Variants in MEGF11 observed in about 807,000 individuals in gnomAD.
MEGF11 encodes the protein multiple epidermal growth factor-like domains protein 11.
In MEGF11, 126 loss-of-function variants were observed where a neutral mutation model predicts 146.6. The ratio of observed to expected loss-of-function variants is 0.86; its 90% CI spans 0.74 to 1.00. The LOEUF is 1.00. Among genes scored for constraint, MEGF11 ranks in the 50% least tolerant of loss-of-function variants. The probability of loss-of-function intolerance (pLI) is 0.00; values close to 1 mark genes in which losing one functional copy is unlikely to be tolerated. For missense variants in MEGF11, 1,509 were observed against 1,521.2 expected (o/e 0.99, Z 0.13); for synonymous variants, 532 against 583.4 (o/e 0.91, Z 1.27).
chr15:66,114,942 T>A (rs1027577154), intron 4 of MEGF11, among the ~76,000 whole-genome samples: 1 of 152,144 alleles, frequency 6.6e-6, no homozygotes, highest in Non-Finnish European at 1.5e-5. Context: ...CCCTGTTCCA[T>A]CTCTTCCTCC....
intron 10 of MEGF11, among the ~76,000 whole-genome samples, chr15:65,936,668 TC>T (rs1567165884): frequency 6.6e-6 from 1 of 152,188 alleles, no homozygotes; most frequent in Non-Finnish European, 1.5e-5. Flanking sequence ...TGTTTCTTTG[TC>T]CACTTATTTA....
chr15:66,001,277 A>C (rs1259989074), intron 5 of MEGF11, among the ~76,000 whole-genome samples: 2 of 152,148 alleles, frequency 1.3e-5, no homozygotes, highest in Admixed American at 1.3e-4. Context: ...TGCAGTGCAC[A>C]ACCTGAACAT....
Position 65,918,013 on chromosome 15 carries a change from C to T in MEGF11, c.2039G>A (p.Gly680Asp), listed in dbSNP as rs746734698. 1 of 1,614,006 alleles carries T rather than the reference C, an allele frequency of 6.2e-7. No individual in the cohort carries two copies. The highest frequency in any genetic ancestry group is 8.5e-7 in the Non-Finnish European group (1 of 1,179,894). The part of the protein sequence containing the change: ...ANNGTCSPID[G>D]SCQCFPGWIG... ...CCATCCAGGAAAGCACTGGCAGGAG[C>T]CATCGATAGGGCTGCAGGTCCCGTT... is the stretch of plus-strand genomic sequence containing the variant. The change falls in exon 16 of 26, where the codon GGC (glycine) becomes GAC (aspartate). Residue 680 changes from glycine to aspartate, a missense_variant. Physicochemically the swap from Gly to Asp is moderately conservative, Grantham distance 94. Transcript: ENST00000395614.
intron 1 of MEGF11, among the ~76,000 whole-genome samples, chr15:66,226,656 A>C (rs1407359527): frequency 6.6e-6 from 1 of 152,152 alleles, no homozygotes; most frequent in Non-Finnish European, 1.5e-5. Flanking sequence ...ACTATACCTA[A>C]TTTACAAATT....
intron 10 of MEGF11, among the ~76,000 whole-genome samples, chr15:65,944,695 TC>T (rs982494285): frequency 3.3e-5 from 5 of 152,140 alleles, no homozygotes; most frequent in African/African-American, 1.2e-4. Flanking sequence ...GAGTCTAGAC[TC>T]TGGCAAATCC....
intron 1 of MEGF11, among the ~76,000 whole-genome samples, chr15:66,142,314 G>A (rs976954703): frequency 6.6e-6 from 1 of 152,176 alleles, no homozygotes; most frequent in African/African-American, 2.4e-5. Context: ...CTTCTGCACG[G>A]CTCTCAAGAA....
At position 66,145,689 on chromosome 15, in the gene MEGF11, G is replaced by C. The variant is rs1261392520; in HGVS notation, c.-8-17278C>G. On this transcript the variant is annotated intron_variant, in intron 1 of 25. Transcript: ENST00000395614. ...GGGATGAGCACACACACTTTGCTGGGTCCTTGGCAGGACCCTGTGAGGGAG... is the reference window on the plus strand; with the variant it reads ...GGGATGAGCACACACACTTTGCTGGCTCCTTGGCAGGACCCTGTGAGGGAG... Among the ~76,000 whole-genome samples, 3 of 152,210 alleles carry C rather than the reference G, an allele frequency of 2.0e-5. No individual in the cohort carries two copies. In the East Asian group the frequency reaches 5.8e-4, roughly 29 times the overall value.
At chr15:66,180,430 G>A (rs2090515224) in intron 1 of MEGF11, among the ~76,000 whole-genome samples, 1 of 152,196 alleles carries the variant, frequency 6.6e-6, no homozygotes, top group Non-Finnish European at 1.5e-5. Context: ...CCCATCCTGA[G>A]CCAGCCCCAT....
chr15:65,931,058 T>C, intron 10 of MEGF11, 115 bp from the exon 11 acceptor site: 1 of 1,242,902 alleles, frequency 8.0e-7, no homozygotes, highest in Non-Finnish European at 1.1e-6. Flanking sequence ...ATCCCTGGGA[T>C]CTGTGAATAT....
intron 10 of MEGF11, among the ~76,000 whole-genome samples, chr15:65,933,341 A>C (rs2079645703): frequency 6.6e-6 from 1 of 152,204 alleles, no homozygotes; most frequent in Non-Finnish European, 1.5e-5. Flanking sequence ...TCTCTTCATG[A>C]ATCTGCTATC....
chr15:66,107,132 A>T (rs972210587), intron 4 of MEGF11, among the ~76,000 whole-genome samples: 1 of 151,840 alleles, frequency 6.6e-6, no homozygotes, highest in South Asian at 2.1e-4. Context: ...TAGGCTCTCC[A>T]CTGGGCTTGG....
intron 4 of MEGF11, among the ~76,000 whole-genome samples, chr15:66,116,205 C>T (rs1425107831): frequency 6.6e-6 from 1 of 152,198 alleles, no homozygotes; most frequent in East Asian, 1.9e-4. Flanking sequence ...GCATTCTCTC[C>T]TGCCGCGCTT....
intron 2 of MEGF11, among the ~76,000 whole-genome samples, chr15:66,127,922 G>A (rs2088449635): frequency 6.6e-6 from 1 of 152,198 alleles, no homozygotes; most frequent in Non-Finnish European, 1.5e-5. Flanking sequence ...GGGAGACCAG[G>A]AAAGGCATCA....
intron 1 of MEGF11, among the ~76,000 whole-genome samples, chr15:66,249,805 T>A (rs2092346128): frequency 6.6e-6 from 1 of 152,230 alleles, no homozygotes; most frequent in Non-Finnish European, 1.5e-5. Flanking sequence ...ACCCATTGAA[T>A]CAGAAACTTG....
At chr15:66,056,467 C>A (rs1053599785) in intron 5 of MEGF11, among the ~76,000 whole-genome samples, 5 of 152,134 alleles carry the variant, frequency 3.3e-5, no homozygotes, top group Admixed American at 6.5e-5. Context: ...GATTCCCTAC[C>A]CACATGAGCC....
intron 1 of MEGF11, among the ~76,000 whole-genome samples, chr15:66,161,043 G>T (rs1378548398): frequency 6.6e-6 from 1 of 152,128 alleles, no homozygotes; most frequent in Non-Finnish European, 1.5e-5. Flanking sequence ...GCAGGCCCGT[G>T]GCTCGTGACA....
intron 5 of MEGF11, among the ~76,000 whole-genome samples, chr15:66,055,772 G>A (rs1458918034): frequency 3.3e-5 from 5 of 152,236 alleles, no homozygotes; most frequent in East Asian, 1.9e-4. Flanking sequence ...TCACGCGGCC[G>A]CACTGCTTAG....
intron 1 of MEGF11, among the ~76,000 whole-genome samples, chr15:66,137,854 C>T (rs1377310645): frequency 1.3e-5 from 2 of 151,988 alleles, no homozygotes; most frequent in Non-Finnish European, 2.9e-5. Context: ...AACCAACTTA[C>T]TTTCTTCTCT....
In MEGF11 at chr15:65,957,543, T is replaced by C. The variant is rs1043716972; in HGVS notation, c.1287+4A>G. 5 of 1,612,328 alleles carry C rather than the reference T, an allele frequency of 3.1e-6. No individual in the cohort carries two copies. Among genetic ancestry groups the C allele is most frequent in the Non-Finnish European group, 4.2e-6 (5 of 1,179,318 alleles). ...AAGGCCACGGGAGGCCCCTCCCATC[T>C]TACCATGAAGCCCGGAGCACAAGTG... On this transcript the variant is annotated splice_donor_region_variant and intron_variant, in intron 10 of 25. Coordinates refer to ENST00000395614, the MANE Select transcript of MEGF11 (RefSeq NM_001385028.1).
Sources: gnomAD v4.1 joint callset for allele counts (sites outside exome capture counted in the v4.1 genomes callset) on GRCh38, gnomAD v4.1.1 for gene constraint, MANE v1.5 for transcripts, NCBI Gene and HGNC (gene_info 2026-07-23, HGNC 2026-07-21) for gene names.